Variants in ATG10 observed in about 807,000 individuals in gnomAD.
The protein encoded by ATG10 is autophagy related 10.
A neutral mutation model predicts 32.1 loss-of-function variants in ATG10; 30 were observed. That is an observed-to-expected ratio of 0.94 (90% CI 0.70 to 1.27). The LOEUF is 1.27. Ranked by LOEUF, ATG10 falls within the 50% of genes most tolerant of loss-of-function variation. ATG10 has a pLI of 0.00. For synonymous variants in ATG10, 87 were observed against 91.5 expected (o/e 0.95, Z 0.28); for missense variants, 233 against 262.3 (o/e 0.89, Z 0.77).
intron 5 of ATG10, among the ~76,000 whole-genome samples, chr5:82,227,432 T>C (rs1357757981): frequency 2.6e-5 from 4 of 152,122 alleles, no homozygotes; most frequent in African/African-American, 9.7e-5. Context: ...TGGAGTGCAG[T>C]GGTGCGATCT....
rs529392199 is a variant in ATG10, at chr5:82,020,826, A to G, written c.108+33148A>G. 6.6e-5 allele frequency among the ~76,000 whole-genome samples: 10 copies of G among 152,350 alleles called. 1 individual carries two copies. The highest frequency in any genetic ancestry group is 3.9e-4 in the Admixed American group (6 of 15,304). ...TTGCGAGAAGGCAATACCAAAGGAC[A>G]TGGATATAGGGAGAGAAAAATTGAG... On this transcript the variant is annotated intron_variant, in intron 2 of 7. Coordinates refer to ENST00000282185, the MANE Select transcript of ATG10 (RefSeq NM_031482.5).
At chr5:82,083,987 C>T (rs188191208) in intron 3 of ATG10, among the ~76,000 whole-genome samples, 132 of 152,248 alleles carry the variant, frequency 8.7e-4, no homozygotes, top group Admixed American at 1.4e-3. Flanking sequence ...GACTATGACG[C>T]GTTGAGAGAA....
At chr5:82,067,727 T>C (rs1763984395) in intron 3 of ATG10, among the ~76,000 whole-genome samples, 1 of 152,204 alleles carries the variant, frequency 6.6e-6, no homozygotes, top group African/African-American at 2.4e-5. Flanking sequence ...CTTTTTGAAA[T>C]AAATCAAGTT....
chr5:82,164,332 T>C, intron 3 of ATG10, 67 bp from the exon 4 acceptor site: 1 of 1,452,796 alleles, frequency 6.9e-7, no homozygotes, highest in Middle Eastern at 1.7e-4. Context: ...ATCTCCTCTT[T>C]TCCTCTCCAT....
intron 5 of ATG10, among the ~76,000 whole-genome samples, chr5:82,237,431 G>T (rs1406109837): frequency 6.6e-6 from 1 of 152,038 alleles, no homozygotes. Flanking sequence ...ATCACCTGAG[G>T]TCAGGAGTTC....
At position 82,067,794 on chromosome 5, in the gene ATG10, C is replaced by T. The variant is rs540126031; in HGVS notation, c.216+9192C>T. 1.3e-4 allele frequency among the ~76,000 whole-genome samples: 20 copies of T among 152,228 alleles called. No individual in the cohort carries two copies. In the East Asian group the frequency reaches 3.7e-3, roughly 28 times the overall value. ...TTTATGTATTAAGCTAGTAGAAAAGCCTTTGTAAAGATACGTGCCACAGCC... is the reference window on the plus strand; with the variant it reads ...TTTATGTATTAAGCTAGTAGAAAAGTCTTTGTAAAGATACGTGCCACAGCC... On this transcript the variant is annotated intron_variant, in intron 3 of 7. Transcript: ENST00000282185.
At chr5:81,979,052 A>T (rs114679651) in intron 1 of ATG10, among the ~76,000 whole-genome samples, 7,562 of 152,014 alleles carry the variant, frequency 0.05, 461 homozygotes, top group African/African-American at 0.15. Context: ...GGTGCACATC[A>T]CTGCACCTGG....
At chr5:81,974,336 G>A (rs1760810982) in intron 1 of ATG10, among the ~76,000 whole-genome samples, 1 of 152,170 alleles carries the variant, frequency 6.6e-6, no homozygotes, top group African/African-American at 2.4e-5. Flanking sequence ...AGAATAAGCT[G>A]TACCTGAAGG....
At chr5:82,137,754 TC>T (rs1766824520) in intron 3 of ATG10, among the ~76,000 whole-genome samples, 1 of 151,920 alleles carries the variant, frequency 6.6e-6, no homozygotes, top group Admixed American at 6.5e-5. Context: ...TGCTGGGAGA[TC>T]CGCTTCTCTC....
chr5:82,206,941 G>A (rs1745322916), intron 5 of ATG10, among the ~76,000 whole-genome samples: 1 of 152,118 alleles, frequency 6.6e-6, no homozygotes, highest in African/African-American at 2.4e-5. Context: ...TTGTGTTTGT[G>A]AGAATCATCC....
chr5:82,096,823 T>G lies in ATG10; in HGVS notation c.216+38221T>G, dbSNP rs574001434. On this transcript the variant is annotated intron_variant, in intron 3 of 7. Transcript: ENST00000282185. ...CTAGTAATTCCATATCCTTTCATACTGTGCTCTGCCACCTCTCCACTGCCC... is the reference window on the plus strand; with the variant it reads ...CTAGTAATTCCATATCCTTTCATACGGTGCTCTGCCACCTCTCCACTGCCC... 5.3e-5 allele frequency among the ~76,000 whole-genome samples: 8 copies of G among 152,334 alleles called. No individual in the cohort carries two copies. In the East Asian group the frequency reaches 1.2e-3, roughly 22 times the overall value.
Position 82,252,551 on chromosome 5 carries a change from G to C in ATG10, c.454-11G>C, listed in dbSNP as rs1747295462. The stretch of plus-strand genomic sequence containing the variant: ...CTCACACTGATCCTGGACCAATTCT[G>C]ATTCTTACAGGAACATCCAATACTT... On this transcript the variant is annotated splice_polypyrimidine_tract_variant and intron_variant, in intron 5 of 7. Transcript: ENST00000282185. 6.4e-7 allele frequency: 1 copy of C among 1,564,180 alleles called. No individual in the cohort carries two copies. The highest frequency in any genetic ancestry group is 8.8e-7 in the Non-Finnish European group (1 of 1,137,812).
At chr5:82,045,380 C>A (rs1184252223) in intron 2 of ATG10, among the ~76,000 whole-genome samples, 2 of 151,850 alleles carry the variant, frequency 1.3e-5, no homozygotes, top group Non-Finnish European at 2.9e-5. Flanking sequence ...CAGTTTTCAA[C>A]CTTAAAATTA....
intron 2 of ATG10, among the ~76,000 whole-genome samples, chr5:81,993,324 T>TTCCTTCCTTCC (rs1761521172): frequency 9.7e-6 from 1 of 103,204 alleles, no homozygotes; most frequent in African/African-American, 4.2e-5. Flanking sequence ...TCTTTCTTTC[T>TTCCTTCCTTCC]TTCCTTCCTT....
At chr5:82,158,348 G>GCCCCCCC (rs59577564) in intron 3 of ATG10, among the ~76,000 whole-genome samples, 3 of 145,980 alleles carry the variant, frequency 2.1e-5, no homozygotes, top group African/African-American at 5.1e-5. Flanking sequence ...AAATACAGCT[G>GCCCCCCC]CCCCCCCGCC....
Position 82,087,596 on chromosome 5 carries a change from A to G in ATG10, c.216+28994A>G, listed in dbSNP as rs185637514. 7.8e-4 allele frequency among the ~76,000 whole-genome samples: 119 copies of G among 152,246 alleles called. 2 individuals are homozygous for G. The South Asian group carries it at 9.9e-3, about 13-fold the overall frequency. ...CATATAATACTCTAGATACTGTTCT[A>G]TGTGCTGGTGATATAGTGGTGAACC... On this transcript the variant is annotated intron_variant, in intron 3 of 7. Coordinates refer to ENST00000282185, the MANE Select transcript of ATG10 (RefSeq NM_031482.5).
chr5:82,144,111 T>A (rs1251892524), intron 3 of ATG10, among the ~76,000 whole-genome samples: 1 of 152,158 alleles, frequency 6.6e-6, no homozygotes, highest in Non-Finnish European at 1.5e-5. Flanking sequence ...AAATTTTTGG[T>A]GTACATTATT....
At chr5:82,173,800 A>G (rs904455161) in intron 4 of ATG10, among the ~76,000 whole-genome samples, 7 of 152,196 alleles carry the variant, frequency 4.6e-5, no homozygotes, top group Non-Finnish European at 8.8e-5. Flanking sequence ...ATGTAAAAAA[A>G]TAGACTCTCT....
At chr5:82,050,721 G>T (rs1013522522) in intron 2 of ATG10, among the ~76,000 whole-genome samples, 4 of 151,484 alleles carry the variant, frequency 2.6e-5, no homozygotes, top group African/African-American at 9.7e-5. Flanking sequence ...CAAATTCTTG[G>T]CTGGGTGTGG....
Sources: allele counts gnomAD v4.1 joint callset (sites outside exome capture counted in the v4.1 genomes callset), GRCh38; gene constraint gnomAD v4.1.1; transcripts MANE v1.5; gene names NCBI Gene and HGNC (gene_info 2026-07-23, HGNC 2026-07-21).